Variants in CACNA2D3 observed in about 807,000 individuals in gnomAD.
CACNA2D3 encodes voltage-dependent calcium channel subunit alpha-2/delta-3.
A neutral mutation model predicts 160.6 loss-of-function variants in CACNA2D3; 60 were observed. The ratio of observed to expected loss-of-function variants is 0.37; its 90% CI spans 0.30 to 0.46. CACNA2D3 has a LOEUF of 0.46. CACNA2D3 is among the 20% of genes least tolerant of loss of function. CACNA2D3 has a pLI of 1.00. For synonymous variants in CACNA2D3, 558 were observed against 492.9 expected (o/e 1.13, Z -1.75); for missense variants, 1,205 against 1,365.0 (o/e 0.88, Z 1.85).
intron 4 of CACNA2D3, among the ~76,000 whole-genome samples, chr3:54,474,564 A>G (rs1398101859): frequency 6.6e-6 from 1 of 152,140 alleles, no homozygotes; most frequent in African/African-American, 2.4e-5. Flanking sequence ...TTTAAAAAGC[A>G]TATAGTAGAC....
intron 4 of CACNA2D3, among the ~76,000 whole-genome samples, chr3:54,482,289 C>A (rs1562682): frequency 1 from 151,853 of 152,318 alleles, 75,694 homozygotes; most frequent in East Asian, 1. Flanking sequence ...AACTGTGGTG[C>A]GTAAACTCAT....
At chr3:54,811,465 C>CTTTTTTTTTTTTTTTTTTTTTTTTTTTT in intron 13 of CACNA2D3, among the ~76,000 whole-genome samples, 1 of 111,562 alleles carries the variant, frequency 9.0e-6, no homozygotes, top group Non-Finnish European at 1.8e-5. Context: ...TCCCTCAGTT[C>CTTTTTTTTTTTTTTTTTTTTTTTTTTTT]TTTTTTTTTT....
At chr3:54,163,213 C>T (rs577264365) in intron 2 of CACNA2D3, among the ~76,000 whole-genome samples, 1 of 152,308 alleles carries the variant, frequency 6.6e-6, no homozygotes, top group South Asian at 2.1e-4. Context: ...CCAACTTTTG[C>T]TGAGTTATAC....
intron 10 of CACNA2D3, among the ~76,000 whole-genome samples, chr3:54,637,341 G>A (rs990933509): frequency 2.0e-5 from 3 of 151,638 alleles, no homozygotes; most frequent in Admixed American, 2.0e-4. Context: ...GGGTTAAGGT[G>A]GGGGGATACA....
chr3:54,470,111 C>T (rs1465614208), intron 4 of CACNA2D3, among the ~76,000 whole-genome samples: 1 of 152,088 alleles, frequency 6.6e-6, no homozygotes, highest in Non-Finnish European at 1.5e-5. Flanking sequence ...AGAAGAGCAA[C>T]CCCAAGACAC....
chr3:55,008,053 G>A (rs967567809), intron 33 of CACNA2D3, among the ~76,000 whole-genome samples: 1 of 152,134 alleles, frequency 6.6e-6, no homozygotes, highest in African/African-American at 2.4e-5. Flanking sequence ...TATGCTATTA[G>A]GTCATCGTTT....
At chr3:54,870,580 A>G (rs559037999) in intron 17 of CACNA2D3, among the ~76,000 whole-genome samples, 13 of 152,324 alleles carry the variant, frequency 8.5e-5, no homozygotes, top group African/African-American at 3.1e-4. Flanking sequence ...CTCAAGACAC[A>G]AGAATGTCCA....
At chr3:55,058,600 T>C (rs1156283906) in intron 35 of CACNA2D3, among the ~76,000 whole-genome samples, 3 of 152,006 alleles carry the variant, frequency 2.0e-5, no homozygotes, top group Admixed American at 6.6e-5. Context: ...ATCACTGAGA[T>C]TTAGTTTTAA....
At chr3:54,287,882 A>T (rs927497650) in intron 2 of CACNA2D3, among the ~76,000 whole-genome samples, 30 of 150,346 alleles carry the variant, frequency 2.0e-4, no homozygotes, top group African/African-American at 7.3e-4. Flanking sequence ...AACCAACGAG[A>T]ACAAAGGCAC....
chr3:54,274,230 A>G (rs962860276), intron 2 of CACNA2D3, among the ~76,000 whole-genome samples: 24 of 152,014 alleles, frequency 1.6e-4, no homozygotes, highest in Admixed American at 1.5e-3. Flanking sequence ...ATATATATAT[A>G]AGAAATACGG....
intron 16 of CACNA2D3, among the ~76,000 whole-genome samples, chr3:54,845,067 G>A (rs1438680168): frequency 6.6e-6 from 1 of 152,170 alleles, no homozygotes; most frequent in Non-Finnish European, 1.5e-5. Context: ...TCAAAGGATA[G>A]GAAATCTCTG....
intron 2 of CACNA2D3, among the ~76,000 whole-genome samples, chr3:54,301,264 A>G (rs1703469789): frequency 6.8e-6 from 1 of 146,184 alleles, no homozygotes; most frequent in South Asian, 2.3e-4. Flanking sequence ...CTCAAAACAA[A>G]CAAACAACAA....
At chr3:54,141,087 G>GTGTGTGTGCGCA (rs1553731269) in intron 2 of CACNA2D3, among the ~76,000 whole-genome samples, 1 of 119,728 alleles carries the variant, frequency 8.4e-6, no homozygotes, top group African/African-American at 3.5e-5. Context: ...GTGTGTGTGT[G>GTGTGTGTGCGCA]CGCGCGCGCG....
At chr3:54,786,393 T>C (rs1702641949) in intron 13 of CACNA2D3, among the ~76,000 whole-genome samples, 1 of 152,218 alleles carries the variant, frequency 6.6e-6, no homozygotes, top group East Asian at 1.9e-4. Context: ...TGAATCTATT[T>C]ACCTAATGCT....
rs139705082 is a variant in CACNA2D3, at chr3:54,900,580, A to G, written c.2449+712A>G. 5.2e-3 allele frequency among the ~76,000 whole-genome samples: 795 copies of G among 152,320 alleles called. 11 individuals carry two copies. The highest frequency in any genetic ancestry group is 0.018 in the African/African-American group (759 of 41,568). On this transcript the variant is annotated intron_variant, in intron 27 of 37. Coordinates refer to ENST00000474759, the MANE Select transcript of CACNA2D3 (RefSeq NM_018398.3). ...AACAAGGCCCGAGGGTGTGTCTGGCACATGGTTTATTCTGATCACTTTGGA... is the reference window on the plus strand; with the variant it reads ...AACAAGGCCCGAGGGTGTGTCTGGCGCATGGTTTATTCTGATCACTTTGGA...
At position 54,869,053 on chromosome 3, in the gene CACNA2D3, A is replaced by G. The variant is rs530183169; in HGVS notation, c.1627-2486A>G. Reference sequence around the variant, plus strand: ...TACCTGGCTCAGGATCACACACCCAATGTGATGTGAGTGGTGTGACACGGC... The same window carrying G: ...TACCTGGCTCAGGATCACACACCCAGTGTGATGTGAGTGGTGTGACACGGC... On this transcript the variant is annotated intron_variant, in intron 17 of 37. Coordinates refer to ENST00000474759, the MANE Select transcript of CACNA2D3 (RefSeq NM_018398.3). 5.9e-5 allele frequency among the ~76,000 whole-genome samples: 9 copies of G among 152,292 alleles called. No individual in the cohort carries two copies. In the East Asian group the frequency reaches 1.5e-3, roughly 26 times the overall value.
chr3:54,931,304 G>T (rs1481668475), intron 27 of CACNA2D3, among the ~76,000 whole-genome samples: 1 of 152,178 alleles, frequency 6.6e-6, no homozygotes, highest in Non-Finnish European at 1.5e-5. Context: ...CCAATTGGGG[G>T]TTAAAAGATG....
At chr3:54,928,461 C>T (rs1020685949) in intron 27 of CACNA2D3, among the ~76,000 whole-genome samples, 13 of 152,108 alleles carry the variant, frequency 8.5e-5, no homozygotes, top group Admixed American at 4.6e-4. Flanking sequence ...CAGCAGAGCC[C>T]GCAGAGTGTG....
intron 5 of CACNA2D3, among the ~76,000 whole-genome samples, chr3:54,506,445 A>G (rs749179599): frequency 6.6e-5 from 10 of 152,164 alleles, no homozygotes; most frequent in Non-Finnish European, 1.0e-4. Flanking sequence ...TATAATTTTT[A>G]GTTCTAGATG....
Sources: gnomAD v4.1 joint callset for allele counts (sites outside exome capture counted in the v4.1 genomes callset) on GRCh38, gnomAD v4.1.1 for gene constraint, MANE v1.5 for transcripts, NCBI Gene and HGNC (gene_info 2026-07-23, HGNC 2026-07-21) for gene names.